The following SCN11A variants were observed in gnomAD, a reference collection of about 807,000 sequenced individuals.
SCN11A encodes the protein sodium channel protein type 11 subunit alpha.
A neutral mutation model predicts 162.2 loss-of-function variants in SCN11A; 122 were observed. The observed-to-expected ratio is 0.75, with a 90% CI of 0.65 to 0.87. The LOEUF is 0.87. Ranked by LOEUF, SCN11A falls within the 40% of genes least tolerant of loss-of-function variation. The pLI, the probability that SCN11A is intolerant of heterozygous loss-of-function variation, is 0.00. For synonymous variants in SCN11A, 758 were observed against 751.5 expected (o/e 1.01, Z -0.14); for missense variants, 2,015 against 2,181.6 (o/e 0.92, Z 1.52).
intron 7 of SCN11A, among the ~76,000 whole-genome samples, chr3:38,927,570 C>A (rs1333091225): frequency 2.0e-5 from 3 of 152,104 alleles, no homozygotes; most frequent in East Asian, 3.9e-4. Flanking sequence ...TACAAAGCTA[C>A]AGTAATCAAA....
chr3:38,892,322 C>T (rs955891419), intron 19 of SCN11A, among the ~76,000 whole-genome samples: 2 of 152,148 alleles, frequency 1.3e-5, no homozygotes, highest in Admixed American at 6.5e-5. Context: ...AATGGTAATA[C>T]AACACACAAG....
At chr3:39,039,260 G>A (rs1483809178) in intron 1 of SCN11A, among the ~76,000 whole-genome samples, 1 of 152,172 alleles carries the variant, frequency 6.6e-6, no homozygotes. Context: ...TTCAGAGAAT[G>A]GAAGTCTAAA....
At chr3:38,951,253 G>A (rs2066610016) in intron 4 of SCN11A, among the ~76,000 whole-genome samples, 1 of 152,212 alleles carries the variant, frequency 6.6e-6, no homozygotes, top group African/African-American at 2.4e-5. Flanking sequence ...GGAGCAGCCG[G>A]CTGGCCCTGC....
intron 19 of SCN11A, among the ~76,000 whole-genome samples, chr3:38,891,587 T>C (rs1183478028): frequency 6.6e-6 from 1 of 152,206 alleles, no homozygotes; most frequent in Non-Finnish European, 1.5e-5. Context: ...AGAACAGATA[T>C]GTATTTCCTA....
chr3:38,846,753 G>A lies in SCN11A; in HGVS notation c.5317C>T (p.Leu1773Phe). The change falls in exon 30 of 30, where the codon CTT (leucine) becomes TTT (phenylalanine). Residue 1773 changes from leucine (L) to phenylalanine (F), a missense_variant. By Grantham distance (22) the Leu-to-Phe change is conservative. Transcript: ENST00000302328. The part of the protein sequence containing the change: ...ENGPHSPLQT[L>F]CNGDLSSFGV... The stretch of plus-strand genomic sequence containing the variant: ...AAGCTAGACAAGTCTCCATTGCAAA[G>A]AGTCTGGAGTGGTGAATGAGGCCCG... The A allele has an allele frequency of 6.2e-7, 1 of 1,614,168 alleles. No homozygotes were observed. Among genetic ancestry groups the A allele is most frequent in the Non-Finnish European group, 8.5e-7 (1 of 1,180,022 alleles).
intron 2 of SCN11A, among the ~76,000 whole-genome samples, chr3:39,004,552 T>C (rs2030913991): frequency 6.6e-6 from 1 of 152,218 alleles, no homozygotes; most frequent in Admixed American, 6.5e-5. Context: ...TTTCTAGTTC[T>C]GTGAAGAATG....
At chr3:39,018,206 C>T (rs1376917535) in intron 2 of SCN11A, among the ~76,000 whole-genome samples, 1 of 152,190 alleles carries the variant, frequency 6.6e-6, no homozygotes, top group African/African-American at 2.4e-5. Flanking sequence ...AACTTCTTTT[C>T]CTGACCTCAG....
chr3:38,930,112 T>C (rs748032025), intron 7 of SCN11A, among the ~76,000 whole-genome samples: 28 of 152,182 alleles, frequency 1.8e-4, no homozygotes, highest in Non-Finnish European at 3.5e-4. Context: ...CACAAACACA[T>C]ACACACGCTC....
chr3:38,876,645 A>G (rs1347652512), intron 23 of SCN11A, among the ~76,000 whole-genome samples: 1 of 152,184 alleles, frequency 6.6e-6, no homozygotes, highest in Non-Finnish European at 1.5e-5. Flanking sequence ...AATACAAATC[A>G]TAACCACAAT....
chr3:39,039,323 T>C (rs2031983511), intron 1 of SCN11A, among the ~76,000 whole-genome samples: 1 of 152,228 alleles, frequency 6.6e-6, no homozygotes, highest in South Asian at 2.1e-4. Context: ...TCTGAATCTA[T>C]TTATTTTGCC....
At chr3:38,868,099 C>T (rs1185317969) in intron 26 of SCN11A, among the ~76,000 whole-genome samples, 2 of 152,202 alleles carry the variant, frequency 1.3e-5, no homozygotes, top group African/African-American at 2.4e-5. Flanking sequence ...CCCAAATCAC[C>T]TAAGAGCCCT....
intron 2 of SCN11A, among the ~76,000 whole-genome samples, chr3:38,968,829 CTACA>C (rs774552955): frequency 2.6e-5 from 4 of 152,194 alleles, no homozygotes; most frequent in East Asian, 3.8e-4. Flanking sequence ...ATAACATCTA[CTACA>C]TAAAGTTTTC....
In SCN11A at chr3:38,900,000, C is replaced by T. The variant is rs866651197; in HGVS notation, c.1916G>A (p.Arg639Gln). The stretch of plus-strand genomic sequence containing the variant: ...AATGCTGTCAAAAATGTTCCAGCCT[C>T]GGCGAAAGTAGTGGTAGGGATCGAG... ...IALDPYHYFRRGWNIFDSIVA... is the reference protein window; with the variant it reads ...IALDPYHYFRQGWNIFDSIVA... Residue 639 changes from arginine to glutamine, a missense_variant, in exon 17 of 30, where the codon CGA becomes CAA. Transcript: ENST00000302328. 1.1e-5 allele frequency: 17 copies of T among 1,613,962 alleles called. No individual in the cohort carries two copies. The highest frequency in any genetic ancestry group is 2.2e-5 in the East Asian group (1 of 44,878).
chr3:39,017,383 T>C lies in SCN11A; in HGVS notation c.-280+14997A>G, dbSNP rs140461300. Among the ~76,000 whole-genome samples, 628 of 152,360 alleles carry C rather than the reference T, an allele frequency of 4.1e-3. 9 individuals carry two copies. The highest frequency in any genetic ancestry group is 0.014 in the African/African-American group (594 of 41,578). On this transcript the variant is annotated intron_variant, in intron 2 of 29. Coordinates refer to ENST00000302328, the MANE Select transcript of SCN11A (RefSeq NM_001349253.2). ...CAAGGCAACTATTTTCTCACTTACATTGTTTCGAACAAGAAATCTAAAGTC... is the reference window on the plus strand; with the variant it reads ...CAAGGCAACTATTTTCTCACTTACACTGTTTCGAACAAGAAATCTAAAGTC...
chr3:39,025,414 G>A (rs2031563424), intron 2 of SCN11A, among the ~76,000 whole-genome samples: 1 of 152,188 alleles, frequency 6.6e-6, no homozygotes, highest in Non-Finnish European at 1.5e-5. Flanking sequence ...CAGAGGAACA[G>A]CACAGGACGC....
In SCN11A at chr3:38,987,299, TCTCTCACACA is replaced by T. The variant is rs777868372; in HGVS notation, c.-279-26886_-279-26877del. ...GCCTTTCTCTCTCTCTCTCTCTCTC[TCTCTCACACA>T]CACACACACACACACACACACACAC... On this transcript the variant is annotated intron_variant, in intron 2 of 29. Coordinates refer to ENST00000302328, the MANE Select transcript of SCN11A (RefSeq NM_001349253.2). Among the ~76,000 whole-genome samples, 378 of 111,712 alleles carry T rather than the reference TCTCTCACACA, an allele frequency of 3.4e-3. 2 individuals carry two copies. Among genetic ancestry groups the T allele is most frequent in the South Asian group, 8.2e-3 (30 of 3,650 alleles). The allele number at this position is 111,712 out of a possible 152,430, so 73.3% of individuals were successfully genotyped here.
chr3:39,012,416 C>CTCTT (rs372306710), intron 2 of SCN11A, among the ~76,000 whole-genome samples: 39 of 149,290 alleles, frequency 2.6e-4, no homozygotes, highest in South Asian at 1.3e-3. Flanking sequence ...TCCTTCCTTG[C>CTCTT]TCTTTCTTTC....
intron 2 of SCN11A, among the ~76,000 whole-genome samples, chr3:38,998,701 T>C (rs984775235): frequency 6.6e-6 from 1 of 151,906 alleles, no homozygotes; most frequent in East Asian, 1.9e-4. Flanking sequence ...ATGTGGCACA[T>C]ATACACCATG....
At chr3:38,922,817 G>A (rs1483014680) in intron 9 of SCN11A, among the ~76,000 whole-genome samples, 1 of 152,122 alleles carries the variant, frequency 6.6e-6, no homozygotes. Context: ...AAGGACTGGA[G>A]TTTAGGTATT....
Sources: allele counts gnomAD v4.1 joint callset (sites outside exome capture counted in the v4.1 genomes callset), GRCh38; gene constraint gnomAD v4.1.1; transcripts MANE v1.5; gene names NCBI Gene and HGNC (gene_info 2026-07-23, HGNC 2026-07-21).